JMJD1C: variants seen among roughly 807,000 people sequenced by gnomAD.
JMJD1C encodes jumonji domain-containing protein 1C.
Under a neutral mutation model 245.3 loss-of-function variants are expected in JMJD1C, and 31 were observed. The ratio of observed to expected loss-of-function variants is 0.13; its 90% CI spans 0.09 to 0.17. JMJD1C has a LOEUF of 0.17. Ranked by LOEUF, JMJD1C falls within the 10% of genes least tolerant of loss-of-function variation. The pLI is 1.00. For missense variants in JMJD1C, 2,691 were observed against 3,000.2 expected (o/e 0.90, Z 2.41); for synonymous variants, 1,057 against 1,017.4 (o/e 1.04, Z -0.74).
intron 2 of JMJD1C, among the ~76,000 whole-genome samples, chr10:63,344,259 T>G (rs1316111031): frequency 1.3e-5 from 2 of 152,220 alleles, no homozygotes; most frequent in African/African-American, 4.8e-5. Flanking sequence ...ACCTTTTCTA[T>G]GTTTAGATAC....
chr10:63,358,259 T>C (rs1945030413), intron 2 of JMJD1C, among the ~76,000 whole-genome samples: 2 of 152,126 alleles, frequency 1.3e-5, no homozygotes, highest in Non-Finnish European at 2.9e-5. Flanking sequence ...GCTTAAGAAA[T>C]AGGCAAAACC....
intron 1 of JMJD1C, among the ~76,000 whole-genome samples, chr10:63,394,586 T>C (rs913616953): frequency 1.3e-5 from 2 of 152,206 alleles, no homozygotes; most frequent in African/African-American, 4.8e-5. Flanking sequence ...GGCTCATGCC[T>C]GTAATCCCAG....
intron 4 of JMJD1C, among the ~76,000 whole-genome samples, chr10:63,219,633 A>C (rs1369365355): frequency 6.6e-6 from 1 of 152,216 alleles, no homozygotes; most frequent in Non-Finnish European, 1.5e-5. Context: ...TTTTCTGTCA[A>C]CAAAACACCT....
At chr10:63,188,599 T>C (rs983977722) in intron 18 of JMJD1C, among the ~76,000 whole-genome samples, 5 of 152,248 alleles carry the variant, frequency 3.3e-5, no homozygotes, top group African/African-American at 1.2e-4. Flanking sequence ...AATTTGTTCA[T>C]AATTTTTGCA....
intron 1 of JMJD1C, among the ~76,000 whole-genome samples, chr10:63,514,978 G>C (rs1196792286): frequency 6.6e-6 from 1 of 151,866 alleles, no homozygotes. Context: ...ACAGTAAACA[G>C]GTGTTTTGTA....
chr10:63,502,480 A>G (rs1243671800), intron 1 of JMJD1C, among the ~76,000 whole-genome samples: 1 of 152,104 alleles, frequency 6.6e-6, no homozygotes, highest in African/African-American at 2.4e-5. Flanking sequence ...TCTAATAAAC[A>G]TACAAAAATT....
In JMJD1C at chr10:63,209,067, T is replaced by C. The variant is rs777100792; in HGVS notation, c.2863A>G (p.Lys955Glu). ...TTTAAGCACTGGTGAACTTACTCCT[T>C]ATGATGATCTACTAAAGTTTTTGTC... ...PLTKTLVDHH[K>E]EELERKAFME... Residue 955 changes from lysine (K) to glutamate (E), a missense_variant, in exon 9 of 26, where the codon AAG (lysine) becomes GAG (glutamate). This residue lies in a region of JMJD1C where 1,562 missense variants were observed against 1,490.7 expected (regional missense o/e 1.05). Transcript: ENST00000399262. 20 of 1,611,826 alleles carry C rather than the reference T, an allele frequency of 1.2e-5. No individual in the cohort carries two copies. The highest frequency in any genetic ancestry group is 1.7e-5 in the Non-Finnish European group (20 of 1,178,798).
rs778021076 is a variant in JMJD1C at position 63,281,978 on chromosome 10, T to C, written c.334-17214A>G. On this transcript the variant is annotated intron_variant, in intron 2 of 25. Coordinates refer to ENST00000399262, the MANE Select transcript of JMJD1C (RefSeq NM_032776.3). ...CACCATCCTCAAGGAGTAGGACATATACGTTTGCATATGACTGATTTCCTG... is the reference window on the plus strand; with the variant it reads ...CACCATCCTCAAGGAGTAGGACATACACGTTTGCATATGACTGATTTCCTG... 3.3e-5 allele frequency among the ~76,000 whole-genome samples: 5 copies of C among 152,218 alleles called. No homozygotes were observed. In the East Asian group the frequency reaches 5.8e-4, roughly 18 times the overall value.
intron 2 of JMJD1C, among the ~76,000 whole-genome samples, chr10:63,280,325 G>A (rs1054114724): frequency 1.3e-5 from 2 of 151,820 alleles, no homozygotes; most frequent in African/African-American, 2.4e-5. Flanking sequence ...TGCGGTGGAC[G>A]GATCACAAGG....
intron 3 of JMJD1C, chr10:63,222,168 A>AT: frequency 1.3e-6 from 1 of 745,484 alleles, no homozygotes; most frequent in Non-Finnish European, 2.5e-6. Flanking sequence ...AGTCATTTCA[A>AT]GTTTATCGAT....
At chr10:63,339,548 A>C (rs1943179824) in intron 2 of JMJD1C, among the ~76,000 whole-genome samples, 1 of 152,078 alleles carries the variant, frequency 6.6e-6, no homozygotes, top group Non-Finnish European at 1.5e-5. Flanking sequence ...TTTCAGAGGC[A>C]GGGATGGGAG....
chr10:63,233,000 G>A (rs1229398634), intron 3 of JMJD1C, among the ~76,000 whole-genome samples: 1 of 152,094 alleles, frequency 6.6e-6, no homozygotes. Context: ...CATTTAAAGT[G>A]AAAAAGAAAA....
Position 63,264,638 on chromosome 10 carries a change from TA to T in JMJD1C, c.447+12del. 2 of 1,196,848 alleles carry T rather than the reference TA, an allele frequency of 1.7e-6. No homozygotes were observed. The highest frequency in any genetic ancestry group is 2.4e-6 in the Non-Finnish European group (2 of 840,246). 74.1% of individuals were successfully genotyped at this position (1,196,848 alleles called of 1,614,324 possible). A position where few individuals can be genotyped will look rare whatever the true frequency, so the allele number is the denominator to read the frequency against. ...TAACCTTTAATTTTAAAAAGTAATCTAAAATTTCTTACCTGGTAGGGCTGAA... is the reference window on the plus strand; with the variant it reads ...TAACCTTTAATTTTAAAAAGTAATCTAAATTTCTTACCTGGTAGGGCTGAA... On this transcript the variant is annotated intron_variant, in intron 3 of 25. Transcript: ENST00000399262.
chr10:63,291,568 T>C (rs1288187863), intron 2 of JMJD1C, among the ~76,000 whole-genome samples: 1 of 149,480 alleles, frequency 6.7e-6, no homozygotes, highest in Admixed American at 6.7e-5. Context: ...TGAGCCGAGA[T>C]CATGCCACTG....
chr10:63,331,727 C>T (rs191945179), intron 2 of JMJD1C, among the ~76,000 whole-genome samples: 3 of 152,286 alleles, frequency 2.0e-5, no homozygotes, highest in Admixed American at 1.3e-4. Context: ...ATTCTCATGC[C>T]TCAGCCTCCC....
At chr10:63,216,794 C>T (rs1197497875) in intron 5 of JMJD1C, among the ~76,000 whole-genome samples, 1 of 152,126 alleles carries the variant, frequency 6.6e-6, no homozygotes, top group African/African-American at 2.4e-5. Flanking sequence ...ATTGAGCATA[C>T]CAACACTGAC....
chr10:63,486,674 C>T (rs1321425677), intron 1 of JMJD1C, among the ~76,000 whole-genome samples: 1 of 152,184 alleles, frequency 6.6e-6, no homozygotes, highest in East Asian at 1.9e-4. Flanking sequence ...TGTCTCTTAA[C>T]TTACAGTACA....
In JMJD1C at chr10:63,409,669, G is replaced by A. The variant is rs374427973; in HGVS notation, c.169-29187C>T. 6.6e-5 allele frequency among the ~76,000 whole-genome samples: 10 copies of A among 152,276 alleles called. No individual in the cohort carries two copies. In the South Asian group the frequency reaches 2.1e-3, roughly 32 times the overall value. Reference sequence around the variant, plus strand: ...TAAATGACATTATCAGTGTGGCACAGAACAGACCTTAGTTTTAGGAGCTTC... The same window carrying A: ...TAAATGACATTATCAGTGTGGCACAAAACAGACCTTAGTTTTAGGAGCTTC... On this transcript the variant is annotated intron_variant, in intron 1 of 25. Coordinates refer to ENST00000399262, the MANE Select transcript of JMJD1C (RefSeq NM_032776.3).
intron 3 of JMJD1C, among the ~76,000 whole-genome samples, chr10:63,237,163 G>A (rs539532840): frequency 2.0e-4 from 30 of 152,038 alleles, no homozygotes; most frequent in South Asian, 6.2e-4. Context: ...TCAGCCTCCC[G>A]AGTAGCTGGG....
Sources: gnomAD v4.1 joint callset for allele counts (sites outside exome capture counted in the v4.1 genomes callset) on GRCh38, gnomAD v4.1.1 for gene constraint, gnomAD v4.1.1 regional missense constraint, MANE v1.5 for transcripts, NCBI Gene and HGNC (gene_info 2026-07-23, HGNC 2026-07-21) for gene names.